Variants in PHF20 observed in about 807,000 individuals in gnomAD.
PHF20 encodes glioma-expressed antigen 2.
PHF20 carries 23 observed loss-of-function variants against 113.5 expected under a neutral mutation model. That is an observed-to-expected ratio of 0.20 (90% CI 0.15 to 0.29). PHF20 has a LOEUF of 0.29. PHF20 is among the 10% of genes least tolerant of loss of function. The probability of loss-of-function intolerance (pLI) is 1.00; values close to 1 mark genes in which losing one functional copy is unlikely to be tolerated. For missense variants in PHF20, 943 were observed against 1,219.6 expected (o/e 0.77, Z 3.38); for synonymous variants, 434 against 457.3 (o/e 0.95, Z 0.65).
chr20:35,887,340 G>C (rs535300126), intron 9 of PHF20, among the ~76,000 whole-genome samples: 8 of 152,256 alleles, frequency 5.3e-5, no homozygotes, highest in Non-Finnish European at 2.9e-5. Context: ...TTCAAGCATA[G>C]CTTGGTCCTC....
chr20:35,926,779 G>C (rs1184497181), intron 13 of PHF20, among the ~76,000 whole-genome samples: 1 of 152,148 alleles, frequency 6.6e-6, no homozygotes, highest in African/African-American at 2.4e-5. Flanking sequence ...CCCAGTGGTT[G>C]AGGACCATCT....
intron 2 of PHF20, among the ~76,000 whole-genome samples, chr20:35,829,094 C>G (rs1450793188): frequency 6.6e-6 from 1 of 152,110 alleles, no homozygotes; most frequent in Non-Finnish European, 1.5e-5. Context: ...GCCTCAGTTC[C>G]TTGTCATGTG....
intron 1 of PHF20, among the ~76,000 whole-genome samples, chr20:35,776,158 T>C (rs550945415): frequency 1.3e-5 from 2 of 152,358 alleles, no homozygotes; most frequent in Middle Eastern, 3.4e-3. Context: ...GTGAACATAA[T>C]TATTGATATA....
intron 12 of PHF20, chr20:35,917,258 C>T: frequency 1.7e-5 from 11 of 630,670 alleles, no homozygotes; most frequent in South Asian, 1.7e-4. Context: ...TTCATTCTCT[C>T]AGTGAAATGA....
At chr20:35,936,641 C>A (rs550519642) in intron 15 of PHF20, among the ~76,000 whole-genome samples, 1 of 152,208 alleles carries the variant, frequency 6.6e-6, no homozygotes, top group East Asian at 1.9e-4. Flanking sequence ...TTTTTAGAAG[C>A]TTTATCATTA....
At chr20:35,841,289 G>A (rs1440821802) in intron 2 of PHF20, among the ~76,000 whole-genome samples, 2 of 152,060 alleles carry the variant, frequency 1.3e-5, no homozygotes, top group African/African-American at 2.4e-5. Flanking sequence ...GTTGCAGTGA[G>A]CCGAGATCAC....
intron 6 of PHF20, among the ~76,000 whole-genome samples, chr20:35,864,451 C>CA (rs34395693): frequency 6.8e-6 from 1 of 147,988 alleles, no homozygotes; most frequent in Non-Finnish European, 1.5e-5. Context: ...CACACACACA[C>CA]AAATATTTTC....
chr20:35,821,979 A>G (rs2042176545), intron 2 of PHF20, among the ~76,000 whole-genome samples: 2 of 152,186 alleles, frequency 1.3e-5, no homozygotes, highest in Non-Finnish European at 2.9e-5. Context: ...TTCTAGGGAG[A>G]TGATAAGCAG....
intron 5 of PHF20, among the ~76,000 whole-genome samples, chr20:35,862,167 A>G (rs2054229297): frequency 6.6e-6 from 1 of 152,244 alleles, no homozygotes; most frequent in African/African-American, 2.4e-5. Flanking sequence ...CAAGTAGCTC[A>G]GGAACATAGT....
chr20:35,772,100 A>AGCCG (rs987820510), intron 1 of PHF20, 21 bp downstream of exon 1: 2 of 149,820 alleles, frequency 1.3e-5, no homozygotes, highest in Non-Finnish European at 3.0e-5. Context: ...GGCCAGGCGA[A>AGCCG]GCCGGCCGGC....
intron 9 of PHF20, among the ~76,000 whole-genome samples, chr20:35,886,401 C>T (rs1410440537): frequency 6.6e-6 from 1 of 152,144 alleles, no homozygotes; most frequent in Non-Finnish European, 1.5e-5. Flanking sequence ...GTTGGGATTA[C>T]AGGTGTGAGC....
intron 2 of PHF20, among the ~76,000 whole-genome samples, chr20:35,827,822 G>A (rs571240660): frequency 6.6e-6 from 1 of 151,668 alleles, no homozygotes; most frequent in African/African-American, 2.4e-5. Flanking sequence ...TCTTCACCGG[G>A]TTTAGAGTTA....
chr20:35,825,116 T>A (rs1313082859), intron 2 of PHF20, among the ~76,000 whole-genome samples: 1 of 152,226 alleles, frequency 6.6e-6, no homozygotes, highest in Non-Finnish European at 1.5e-5. Context: ...CTGTTTAACC[T>A]TTTGAGGAAC....
intron 1 of PHF20, among the ~76,000 whole-genome samples, chr20:35,781,756 C>G (rs913154472): frequency 6.6e-6 from 1 of 152,040 alleles, no homozygotes; most frequent in Admixed American, 6.6e-5. Flanking sequence ...GCCAGCCTGG[C>G]CATCATGGCA....
At chr20:35,781,048 T>G (rs1332867202) in intron 1 of PHF20, among the ~76,000 whole-genome samples, 1 of 151,634 alleles carries the variant, frequency 6.6e-6, no homozygotes, top group African/African-American at 2.4e-5. Flanking sequence ...AGATGGAGTT[T>G]TACCATGTTG....
chr20:35,847,850 A>G (rs529726546), intron 4 of PHF20, among the ~76,000 whole-genome samples: 7 of 152,224 alleles, frequency 4.6e-5, no homozygotes, highest in Non-Finnish European at 1.0e-4. Flanking sequence ...GGTCTGTAAC[A>G]TTGGAGTTGC....
chr20:35,801,637 C>T, intron 2 of PHF20, 32 bp downstream of exon 2: 1 of 1,483,532 alleles, frequency 6.7e-7, no homozygotes. Flanking sequence ...AATTAAAGCC[C>T]TTCAGTAAAG....
chr20:35,915,888 A>G (rs1020911030), intron 12 of PHF20, among the ~76,000 whole-genome samples: 2 of 152,254 alleles, frequency 1.3e-5, no homozygotes, highest in East Asian at 3.9e-4. Flanking sequence ...TAATCCCAAC[A>G]CTCTGGGAGG....
At chr20:35,795,872 A>G (rs1184588970) in intron 1 of PHF20, among the ~76,000 whole-genome samples, 1 of 151,494 alleles carries the variant, frequency 6.6e-6, no homozygotes, top group African/African-American at 2.4e-5. Context: ...TTTTTTTTTG[A>G]GACAGTCTCA....
Sources: gnomAD v4.1 joint callset for allele counts (sites outside exome capture counted in the v4.1 genomes callset) on GRCh38, gnomAD v4.1.1 for gene constraint, MANE v1.5 for transcripts, NCBI Gene and HGNC (gene_info 2026-07-23, HGNC 2026-07-21) for gene names.